Variants in SGCZ observed in about 807,000 individuals in gnomAD.
The protein encoded by SGCZ is sarcoglycan zeta.
A neutral mutation model predicts 41.3 loss-of-function variants in SGCZ; 40 were observed. The ratio of observed to expected loss-of-function variants is 0.97; its 90% CI spans 0.75 to 1.26. SGCZ has a LOEUF of 1.26. SGCZ is among the 50% of genes most tolerant of loss of function. The pLI is 0.00. For missense variants in SGCZ, 552 were observed against 369.8 expected (o/e 1.49, Z -4.04); for synonymous variants, 206 against 137.5 (o/e 1.50, Z -3.49).
intron 1 of SGCZ, among the ~76,000 whole-genome samples, chr8:15,199,358 A>G (rs1017488097): frequency 5.9e-5 from 9 of 152,200 alleles, no homozygotes; most frequent in Admixed American, 2.0e-4. Flanking sequence ...CTCAACCATT[A>G]AAGTAATTTA....
chr8:14,553,182 C>A (rs367893501), intron 2 of SGCZ, among the ~76,000 whole-genome samples: 2 of 152,010 alleles, frequency 1.3e-5, no homozygotes, highest in East Asian at 3.9e-4. Flanking sequence ...AGGAGCAGAG[C>A]TGAGAACAGA....
At chr8:14,886,076 T>C (rs1322424142) in intron 1 of SGCZ, among the ~76,000 whole-genome samples, 1 of 141,390 alleles carries the variant, frequency 7.1e-6, no homozygotes, top group African/African-American at 2.6e-5. Context: ...TAATAGCACA[T>C]TAATTTCTGT....
chr8:15,196,269 C>G (rs1410249931), intron 1 of SGCZ, among the ~76,000 whole-genome samples: 2 of 152,144 alleles, frequency 1.3e-5, no homozygotes, highest in African/African-American at 2.4e-5. Context: ...GTTTTAAATA[C>G]AAAGATGTAG....
chr8:14,910,702 G>A (rs767569728), intron 1 of SGCZ, among the ~76,000 whole-genome samples: 1 of 151,624 alleles, frequency 6.6e-6, no homozygotes, highest in Non-Finnish European at 1.5e-5. Flanking sequence ...AAAGCACTTT[G>A]CCCAAAATTT....
intron 2 of SGCZ, among the ~76,000 whole-genome samples, chr8:14,403,434 G>T (rs1293708904): frequency 1.3e-5 from 2 of 151,588 alleles, no homozygotes; most frequent in Admixed American, 6.6e-5. Flanking sequence ...GTTTGTCATA[G>T]ATAGCTCTTA....
intron 1 of SGCZ, among the ~76,000 whole-genome samples, chr8:14,962,334 C>T (rs544882737): frequency 6.6e-6 from 1 of 151,888 alleles, no homozygotes; most frequent in African/African-American, 2.4e-5. Context: ...ATAGCTATTA[C>T]CCTTTTAACA....
At chr8:14,805,684 C>T (rs1260899655) in intron 1 of SGCZ, among the ~76,000 whole-genome samples, 11 of 151,758 alleles carry the variant, frequency 7.2e-5, no homozygotes, top group African/African-American at 2.7e-4. Context: ...GACAGAAAGT[C>T]ACCAAGGATA....
chr8:15,165,349 T>G (rs1799634017), intron 1 of SGCZ, among the ~76,000 whole-genome samples: 1 of 151,906 alleles, frequency 6.6e-6, no homozygotes. Context: ...CTGTGGAACC[T>G]TTCAGTTCAC....
At chr8:15,007,218 C>T (rs1012751365) in intron 1 of SGCZ, among the ~76,000 whole-genome samples, 7 of 152,078 alleles carry the variant, frequency 4.6e-5, no homozygotes, top group Non-Finnish European at 7.4e-5. Flanking sequence ...TATTTGTAAC[C>T]TCCAATACAA....
At chr8:14,100,556 T>TAC (rs1158047329) in intron 7 of SGCZ, among the ~76,000 whole-genome samples, 1 of 81,632 alleles carries the variant, frequency 1.2e-5, no homozygotes, top group Non-Finnish European at 2.8e-5. Context: ...ATTAGATTAA[T>TAC]ATATTATATA....
At chr8:14,440,824 TATAC>T (rs1800237789) in intron 2 of SGCZ, among the ~76,000 whole-genome samples, 1 of 133,384 alleles carries the variant, frequency 7.5e-6, no homozygotes, top group South Asian at 2.2e-4. Context: ...CACATGCATA[TATAC>T]ATACATATAT....
chr8:15,188,785 G>A (rs754416065), intron 1 of SGCZ, among the ~76,000 whole-genome samples: 1 of 152,084 alleles, frequency 6.6e-6, no homozygotes, highest in South Asian at 2.1e-4. Flanking sequence ...GACATCCATT[G>A]TCATATTGTA....
At chr8:15,237,257 C>A (rs1802159389) in intron 1 of SGCZ, among the ~76,000 whole-genome samples, 1 of 152,006 alleles carries the variant, frequency 6.6e-6, no homozygotes, top group Admixed American at 6.5e-5. Context: ...CCGCTGCCCC[C>A]CCCGGGGAGA....
At chr8:14,314,122 G>A (rs1424585432) in intron 3 of SGCZ, among the ~76,000 whole-genome samples, 2 of 152,008 alleles carry the variant, frequency 1.3e-5, no homozygotes, top group African/African-American at 4.8e-5. Context: ...AAAAAAATAC[G>A]CAGTAAGAAG....
intron 2 of SGCZ, among the ~76,000 whole-genome samples, chr8:14,540,589 C>G (rs1053790670): frequency 2.6e-5 from 4 of 151,858 alleles, no homozygotes; most frequent in South Asian, 2.1e-4. Context: ...CCAAAAATAG[C>G]TATATTTTAG....
At chr8:14,139,565 AC>A (rs377163202) in intron 5 of SGCZ, among the ~76,000 whole-genome samples, 31 of 152,344 alleles carry the variant, frequency 2.0e-4, no homozygotes, top group African/African-American at 7.2e-4. Flanking sequence ...AAACACCTCT[AC>A]ACAAATAAAC....
chr8:14,198,896 T>C (rs1401712220), intron 4 of SGCZ, among the ~76,000 whole-genome samples: 1 of 152,214 alleles, frequency 6.6e-6, no homozygotes, highest in Non-Finnish European at 1.5e-5. Flanking sequence ...TTCCTATGGC[T>C]GTCTTTACTT....
At chr8:15,107,217 T>C (rs1192100939) in intron 1 of SGCZ, among the ~76,000 whole-genome samples, 1 of 152,210 alleles carries the variant, frequency 6.6e-6, no homozygotes, top group East Asian at 1.9e-4. Flanking sequence ...AACAATATTT[T>C]AGAACTCTTT....
At chr8:14,809,745 G>T (rs1341620159) in intron 1 of SGCZ, among the ~76,000 whole-genome samples, 1 of 152,090 alleles carries the variant, frequency 6.6e-6, no homozygotes, top group East Asian at 1.9e-4. Flanking sequence ...CATGAGGGAG[G>T]ACTGTGCACT....
Sources: gnomAD v4.1 joint callset for allele counts (sites outside exome capture counted in the v4.1 genomes callset) on GRCh38, gnomAD v4.1.1 for gene constraint, MANE v1.5 for transcripts, NCBI Gene and HGNC (gene_info 2026-07-23, HGNC 2026-07-21) for gene names.